Variants in SPOCK3 observed in about 807,000 individuals in gnomAD.
The protein encoded by SPOCK3 is SPARC (osteonectin), cwcv and kazal like domains proteoglycan 3, also known as testican-3.
A neutral mutation model predicts 56.6 loss-of-function variants in SPOCK3; 30 were observed. The ratio of observed to expected loss-of-function variants is 0.53; its 90% CI spans 0.40 to 0.72. The LOEUF is 0.72. Among genes scored for constraint, SPOCK3 ranks in the 30% least tolerant of loss-of-function variants. The pLI is 0.00. For synonymous variants in SPOCK3, 196 were observed against 183.3 expected (o/e 1.07, Z -0.56); for missense variants, 527 against 530.0 (o/e 0.99, Z 0.06).
chr4:167,108,566 A>G (rs1362581427), intron 2 of SPOCK3, among the ~76,000 whole-genome samples: 4 of 151,806 alleles, frequency 2.6e-5, no homozygotes, highest in Non-Finnish European at 5.9e-5. Flanking sequence ...GAGAGATGAA[A>G]CTTCACATAT....
At chr4:167,195,047 TG>T (rs1732812094) in intron 2 of SPOCK3, among the ~76,000 whole-genome samples, 2 of 152,250 alleles carry the variant, frequency 1.3e-5, no homozygotes, top group South Asian at 4.1e-4. Flanking sequence ...GTGACATGGA[TG>T]GGCGTGAGTC....
chr4:166,992,821 T>TTC (rs1747947552), intron 4 of SPOCK3, among the ~76,000 whole-genome samples: 1 of 151,178 alleles, frequency 6.6e-6, no homozygotes, highest in Admixed American at 6.6e-5. Flanking sequence ...CTGTACTTTT[T>TTC]CCCCCCAATT....
chr4:166,816,454 A>C (rs1421729337), intron 6 of SPOCK3, among the ~76,000 whole-genome samples: 1 of 151,946 alleles, frequency 6.6e-6, no homozygotes, highest in African/African-American at 2.4e-5. Flanking sequence ...GAGGATTTTT[A>C]ATTAATTTCA....
At chr4:167,063,638 T>G (rs577137410) in intron 2 of SPOCK3, among the ~76,000 whole-genome samples, 1 of 152,012 alleles carries the variant, frequency 6.6e-6, no homozygotes, top group Non-Finnish European at 1.5e-5. Flanking sequence ...ATAGCGTACA[T>G]TGTTCCCATT....
At chr4:167,049,789 A>G (rs1036327147) in intron 3 of SPOCK3, among the ~76,000 whole-genome samples, 1 of 152,116 alleles carries the variant, frequency 6.6e-6, no homozygotes, top group African/African-American at 2.4e-5. Context: ...TTGTGGAACA[A>G]TTCTATATAT....
At chr4:167,057,082 G>A (rs1204883198) in intron 3 of SPOCK3, among the ~76,000 whole-genome samples, 1 of 152,180 alleles carries the variant, frequency 6.6e-6, no homozygotes, top group Admixed American at 6.5e-5. Context: ...ACTAACAGCG[G>A]ATCTCTCGGC....
intron 2 of SPOCK3, among the ~76,000 whole-genome samples, chr4:167,116,585 T>TGTATATATATACGTATATAGTATATAC (rs1554038893): frequency 6.2e-5 from 7 of 113,600 alleles, no homozygotes; most frequent in African/African-American, 1.5e-4. Context: ...TATATAGTTT[T>TGTATATATATACGTATATAGTATATAC]GTATATATAT....
intron 2 of SPOCK3, among the ~76,000 whole-genome samples, chr4:167,147,675 T>C (rs1347355619): frequency 6.6e-6 from 1 of 152,042 alleles, no homozygotes; most frequent in Non-Finnish European, 1.5e-5. Context: ...TAGATGAAGC[T>C]GGAAACCATT....
chr4:166,840,936 G>T (rs905876994), intron 6 of SPOCK3, among the ~76,000 whole-genome samples: 1 of 151,618 alleles, frequency 6.6e-6, no homozygotes, highest in East Asian at 1.9e-4. Flanking sequence ...CCGCCACCAC[G>T]CCCGGCTAAT....
intron 7 of SPOCK3, among the ~76,000 whole-genome samples, chr4:166,755,550 G>A (rs1482946916): frequency 6.6e-6 from 1 of 152,022 alleles, no homozygotes; most frequent in African/African-American, 2.4e-5. Flanking sequence ...GATTCAGTGA[G>A]CTCTCATATG....
rs558582123 is a variant in SPOCK3 at position 167,181,125 on chromosome 4, C to T, written c.189+52860G>A. Among the ~76,000 whole-genome samples the T allele has an allele frequency of 2.6e-4, 39 of 152,272 alleles. No homozygotes were observed. The South Asian group carries it at 7.7e-3, about 30-fold the overall frequency. ...CCCATTTTTTCCTTAATCCTCCAGA[C>T]TCTGAAATCTATATCCCTACTGACC... On this transcript the variant is annotated intron_variant, in intron 2 of 10. Transcript: ENST00000357545.
chr4:166,862,728 T>C lies in SPOCK3; in HGVS notation c.589+26402A>G, dbSNP rs150680705. Among the ~76,000 whole-genome samples, 112 of 152,178 alleles carry C rather than the reference T, an allele frequency of 7.4e-4. 1 individual carries two copies. The East Asian group carries it at 0.019, about 26-fold the overall frequency. Reference sequence around the variant, plus strand: ...CAGATAAGTCAAGTAAAAATGAAGATTGAACTAAATCCTTATCATTATTTT... The same window carrying C: ...CAGATAAGTCAAGTAAAAATGAAGACTGAACTAAATCCTTATCATTATTTT... On this transcript the variant is annotated intron_variant, in intron 6 of 10. Coordinates refer to ENST00000357545, the MANE Select transcript of SPOCK3 (RefSeq NM_001040159.2).
At chr4:166,964,409 G>T in intron 4 of SPOCK3, among the ~76,000 whole-genome samples, 1 of 151,622 alleles carries the variant, frequency 6.6e-6, no homozygotes, top group East Asian at 1.9e-4. Flanking sequence ...CAACCATATT[G>T]TTATTGATTT....
At chr4:166,748,869 C>A (rs1434653023) in intron 8 of SPOCK3, among the ~76,000 whole-genome samples, 1 of 137,350 alleles carries the variant, frequency 7.3e-6, no homozygotes, top group Non-Finnish European at 1.5e-5. Flanking sequence ...TTTATGCCAC[C>A]AACAGACACA....
chr4:167,091,798 T>C (rs1334693785), intron 2 of SPOCK3, among the ~76,000 whole-genome samples: 4 of 152,204 alleles, frequency 2.6e-5, no homozygotes, highest in Non-Finnish European at 5.9e-5. Context: ...TCTAAATCCT[T>C]ATGTCCTATG....
chr4:166,829,822 A>G (rs1745850174), intron 6 of SPOCK3, among the ~76,000 whole-genome samples: 2 of 152,066 alleles, frequency 1.3e-5, no homozygotes, highest in South Asian at 4.1e-4. Flanking sequence ...GTCTAATAGT[A>G]TCTTATTACT....
At chr4:166,889,658 A>G (rs1409842678) in intron 5 of SPOCK3, among the ~76,000 whole-genome samples, 1 of 151,904 alleles carries the variant, frequency 6.6e-6, no homozygotes, top group Non-Finnish European at 1.5e-5. Context: ...TCTCTTACTT[A>G]TTGGACTCTA....
intron 3 of SPOCK3, among the ~76,000 whole-genome samples, chr4:167,054,775 T>C (rs547115782): frequency 4.1e-4 from 63 of 152,318 alleles, no homozygotes; most frequent in African/African-American, 1.4e-3. Context: ...AAATATGTCA[T>C]AGTTAAACCA....
chr4:166,769,832 C>T (rs1250017938), intron 7 of SPOCK3, among the ~76,000 whole-genome samples: 6 of 152,194 alleles, frequency 3.9e-5, no homozygotes, highest in Non-Finnish European at 8.8e-5. Context: ...GCAGTGGGCT[C>T]TACCCAGATG....
Sources: gnomAD v4.1 joint callset for allele counts (sites outside exome capture counted in the v4.1 genomes callset) on GRCh38, gnomAD v4.1.1 for gene constraint, MANE v1.5 for transcripts, NCBI Gene and HGNC (gene_info 2026-07-23, HGNC 2026-07-21) for gene names.